FSD1L: variants seen among roughly 807,000 people sequenced by gnomAD.
The protein encoded by FSD1L is fibronectin type III and SPRY domain containing 1 like.
A neutral mutation model predicts 71.6 loss-of-function variants in FSD1L; 45 were observed. That is an observed-to-expected ratio of 0.63 (90% CI 0.49 to 0.81). The LOEUF (loss-of-function observed/expected upper bound fraction) is 0.81. Ranked by LOEUF, FSD1L falls within the 30% of genes least tolerant of loss-of-function variation. FSD1L has a pLI of 0.00. For missense variants in FSD1L, 561 were observed against 618.1 expected (o/e 0.91, Z 0.98); for synonymous variants, 197 against 207.2 (o/e 0.95, Z 0.42).
chr9:105,535,157 C>T lies in FSD1L; in HGVS notation c.1217C>T (p.Thr406Met), dbSNP rs933791489. The change falls in exon 12 of 14, where the codon ACG becomes ATG. Residue 406 changes from threonine (T) to methionine (M), a missense_variant. Around this residue, in one of 3 missense-constraint regions of FSD1L, gnomAD observed 53 missense variants for 102.2 expected, o/e 0.52. Coordinates refer to ENST00000481272, the MANE Select transcript of FSD1L (RefSeq NM_001145313.3). ...KSYSVGVAYK[T>M]LGKFDQLGKT... ...TACAGTGTGGGAGTAGCATACAAAACGTTGGGGAAATTTGACCAATTGGGA... is the reference window on the plus strand; with the variant it reads ...TACAGTGTGGGAGTAGCATACAAAATGTTGGGGAAATTTGACCAATTGGGA... 94 of 1,551,824 alleles carry T rather than the reference C, an allele frequency of 6.1e-5. No homozygotes were observed. The highest frequency in any genetic ancestry group is 1.4e-4 in the African/African-American group (10 of 73,028).
At chr9:105,477,757 C>G (rs1035519998) in intron 5 of FSD1L, among the ~76,000 whole-genome samples, 2 of 152,150 alleles carry the variant, frequency 1.3e-5, no homozygotes, top group African/African-American at 4.8e-5. Flanking sequence ...TTTTCTATCT[C>G]TGGTACTACA....
intron 1 of FSD1L, among the ~76,000 whole-genome samples, chr9:105,460,102 T>A (rs1830592268): frequency 6.6e-6 from 1 of 152,224 alleles, no homozygotes; most frequent in Admixed American, 6.5e-5. Context: ...TCATCCACTT[T>A]CTGGGGAAGT....
At chr9:105,497,238 C>CT (rs1347557512) in intron 7 of FSD1L, among the ~76,000 whole-genome samples, 1 of 143,672 alleles carries the variant, frequency 7.0e-6, no homozygotes, top group African/African-American at 2.6e-5. Flanking sequence ...GGGTATAATT[C>CT]TTTTTGTTAA....
intron 10 of FSD1L, among the ~76,000 whole-genome samples, chr9:105,513,156 T>C: frequency 6.6e-6 from 1 of 152,136 alleles, no homozygotes; most frequent in Non-Finnish European, 1.5e-5. Context: ...CTCTTACACA[T>C]TTTCATTTCA....
chr9:105,536,005 A>G (rs906207892), intron 12 of FSD1L, among the ~76,000 whole-genome samples: 2 of 152,218 alleles, frequency 1.3e-5, no homozygotes, highest in Non-Finnish European at 2.9e-5. Context: ...TCAATATCAG[A>G]ATTTCTTTAC....
intron 8 of FSD1L, among the ~76,000 whole-genome samples, chr9:105,507,368 G>A (rs1272124380): frequency 6.6e-6 from 1 of 152,166 alleles, no homozygotes; most frequent in Non-Finnish European, 1.5e-5. Context: ...TTACGCATGA[G>A]GAGTAATATT....
At position 105,541,893 on chromosome 9, in the gene FSD1L, C is replaced by T. The variant is rs573387832; in HGVS notation, c.1467+2542C>T. Among the ~76,000 whole-genome samples, 9 of 152,298 alleles carry T rather than the reference C, an allele frequency of 5.9e-5. No homozygotes were observed. The South Asian group carries it at 1.9e-3, about 32-fold the overall frequency. ...ATAAATAGAATTGTATGGTATGTAG[C>T]CTTTCGATTCCGTACCATGCTGCAT... is the stretch of plus-strand genomic sequence containing the variant. On this transcript the variant is annotated intron_variant, in intron 13 of 13. Transcript: ENST00000481272.
chr9:105,524,187 C>T lies in FSD1L; in HGVS notation c.1026-10306C>T, dbSNP rs1203646975. 12 of 1,612,118 alleles carry T rather than the reference C, an allele frequency of 7.4e-6. No individual in the cohort carries two copies. The East Asian group carries it at 2.4e-4, about 33-fold the overall frequency. On this transcript the variant is annotated intron_variant, in intron 10 of 13. Coordinates refer to ENST00000481272, the MANE Select transcript of FSD1L (RefSeq NM_001145313.3). Reference sequence around the variant, plus strand: ...AGAACTAGTCCATGAGTCTCATCATCCTCAAATTAAGGAAGCTCTGAATGT... The same window carrying T: ...AGAACTAGTCCATGAGTCTCATCATTCTCAAATTAAGGAAGCTCTGAATGT...
intron 7 of FSD1L, among the ~76,000 whole-genome samples, chr9:105,488,976 T>G (rs1448767119): frequency 1.3e-5 from 2 of 152,154 alleles, no homozygotes; most frequent in African/African-American, 2.4e-5. Flanking sequence ...CTAAACCTTC[T>G]TACAGCCAGA....
chr9:105,540,186 A>G (rs984295620), intron 13 of FSD1L, among the ~76,000 whole-genome samples: 3 of 152,072 alleles, frequency 2.0e-5, no homozygotes, highest in Non-Finnish European at 4.4e-5. Flanking sequence ...CTAGTGGATG[A>G]TATATTACAT....
In FSD1L at chr9:105,505,426, A is replaced by C. The variant is rs113805739; in HGVS notation, c.587-973A>C. 9.2e-3 allele frequency among the ~76,000 whole-genome samples: 1,405 copies of C among 152,112 alleles called. 22 individuals carry two copies. The highest frequency in any genetic ancestry group is 0.032 in the African/African-American group (1,345 of 41,504). On this transcript the variant is annotated intron_variant, in intron 7 of 13. Coordinates refer to ENST00000481272, the MANE Select transcript of FSD1L (RefSeq NM_001145313.3). ...CTGGCGCATGCCACCACACCTGGCT[A>C]ATTTTTGTGTTTTTAGTAGAGACGG... is the stretch of plus-strand genomic sequence containing the variant.
chr9:105,496,129 C>A (rs566785961), intron 7 of FSD1L, among the ~76,000 whole-genome samples: 24 of 151,330 alleles, frequency 1.6e-4, no homozygotes, highest in African/African-American at 5.3e-4. Context: ...CTGTTTCTTT[C>A]ATGAAGCTTG....
intron 7 of FSD1L, 51 bp downstream of exon 7, chr9:105,484,553 A>G: frequency 5.5e-6 from 7 of 1,282,396 alleles, no homozygotes; most frequent in Non-Finnish European, 6.1e-6. Flanking sequence ...TTTTTTTTCT[A>G]CAAGATTTTT....
upstream of FSD1L, among the ~76,000 whole-genome samples, chr9:105,443,408 A>G (rs2131536893): frequency 6.6e-6 from 1 of 152,234 alleles, no homozygotes; most frequent in African/African-American, 2.4e-5. Flanking sequence ...AACAACACAG[A>G]AAAGAACTGC....
chr9:105,477,607 C>A (rs1831890717), intron 5 of FSD1L, among the ~76,000 whole-genome samples: 1 of 152,160 alleles, frequency 6.6e-6, no homozygotes, highest in Non-Finnish European at 1.5e-5. Context: ...AAAGAGTAAT[C>A]CTGGTAGTAC....
At position 105,552,249 on chromosome 9, in the gene FSD1L, A is replaced by T. The variant is rs1179844677; in HGVS notation, c.*5766A>T. On this transcript the variant is annotated 3_prime_UTR_variant, in exon 14 of 14. Transcript: ENST00000481272. Reference sequence around the variant, plus strand: ...GCCATACAATAGTGTTTTAAGAAGCACATGGCCTCATTTTCCTTAGAAACA... The same window carrying T: ...GCCATACAATAGTGTTTTAAGAAGCTCATGGCCTCATTTTCCTTAGAAACA... The T allele has an allele frequency of 6.6e-6, 1 of 152,186 alleles. No homozygotes were observed. The highest frequency in any genetic ancestry group is 1.5e-5 in the Non-Finnish European group (1 of 68,026). 9.4% of individuals were successfully genotyped at this position (152,186 alleles called of 1,614,324 possible).
At chr9:105,536,574 G>A (rs562695721) in intron 12 of FSD1L, among the ~76,000 whole-genome samples, 6 of 151,990 alleles carry the variant, frequency 3.9e-5, no homozygotes, top group South Asian at 2.1e-4. Context: ...CTTTTTTCAC[G>A]GCATTATGTC....
intron 10 of FSD1L, chr9:105,525,460 A>C (rs1835449777): frequency 6.2e-7 from 1 of 1,607,912 alleles, no homozygotes; most frequent in South Asian, 1.1e-5. Context: ...ATTTGTTGAG[A>C]AGCACTTTAA....
At chr9:105,452,711 C>CTTCCTTCCTTCCTTCT (rs1564073534) in intron 1 of FSD1L, among the ~76,000 whole-genome samples, 1 of 148,928 alleles carries the variant, frequency 6.7e-6, no homozygotes, top group Admixed American at 6.7e-5. Flanking sequence ...TCCTTCCTTC[C>CTTCCTTCCTTCCTTCT]TTCCTTCTTT....
Sources: gnomAD v4.1 joint callset for allele counts (sites outside exome capture counted in the v4.1 genomes callset) on GRCh38, gnomAD v4.1.1 for gene constraint, gnomAD v4.1.1 regional missense constraint, MANE v1.5 for transcripts, NCBI Gene and HGNC (gene_info 2026-07-23, HGNC 2026-07-21) for gene names.